MCU: variants seen among roughly 807,000 people sequenced by gnomAD.
The protein encoded by MCU is mitochondrial calcium uniporter.
In MCU, 12 loss-of-function variants were observed where a neutral mutation model predicts 45.2. The observed-to-expected ratio is 0.27, with a 90% CI of 0.17 to 0.43. The LOEUF (loss-of-function observed/expected upper bound fraction) is 0.43. MCU is among the 20% of genes least tolerant of loss of function. MCU has a pLI of 1.00. For synonymous variants in MCU, 160 were observed against 165.1 expected, an observed-to-expected ratio of 0.97 and a Z score of 0.24; for missense variants, 324 against 436.7, an observed-to-expected ratio of 0.74 and a Z score of 2.30.
intron 1 of MCU, among the ~76,000 whole-genome samples, chr10:72,748,653 C>T (rs1318737958): frequency 1.3e-5 from 2 of 151,196 alleles, no homozygotes; most frequent in East Asian, 3.9e-4. Flanking sequence ...CCTGTCTCTA[C>T]AAATAATAAA....
chr10:72,707,606 GGTGTGTGTGTGT>G (rs373225323), intron 1 of MCU, among the ~76,000 whole-genome samples: 13 of 135,030 alleles, frequency 9.6e-5, no homozygotes, highest in South Asian at 4.6e-4. Flanking sequence ...CGTGGTGAGT[GGTGTGTGTGTGT>G]GTGTGTGTGT....
rs978385135 is a variant in MCU at position 72,718,217 on chromosome 10, A to G, written c.150+25916A>G. ...CCAAGAGTCTATTTAAATGAGTACA[A>G]CAGGCAAAGTTTGGACTTGTAATGT... On this transcript the variant is annotated intron_variant, in intron 1 of 7. Coordinates refer to ENST00000373053, the MANE Select transcript of MCU (RefSeq NM_138357.3). Among the ~76,000 whole-genome samples, 37 of 152,216 alleles carry G rather than the reference A, an allele frequency of 2.4e-4. 1 individual carries two copies. The highest frequency in any genetic ancestry group is 2.0e-3 in the Admixed American group (31 of 15,288).
intron 1 of MCU, among the ~76,000 whole-genome samples, chr10:72,708,852 A>G (rs1281262799): frequency 6.6e-6 from 1 of 152,196 alleles, no homozygotes; most frequent in East Asian, 1.9e-4. Context: ...TAAAGCTATT[A>G]TGTTAAAAGT....
At position 72,761,850 on chromosome 10, in the gene MCU, T is replaced by A. The variant is rs539380943; in HGVS notation, c.150+69549T>A. 8.5e-5 allele frequency among the ~76,000 whole-genome samples: 13 copies of A among 152,256 alleles called. No individual in the cohort carries two copies. The South Asian group carries it at 2.5e-3, about 29-fold the overall frequency. On this transcript the variant is annotated intron_variant, in intron 1 of 7. Coordinates refer to ENST00000373053, the MANE Select transcript of MCU (RefSeq NM_138357.3). The stretch of plus-strand genomic sequence containing the variant: ...AGTTTTTTTATTCCACACTCCCTCC[T>A]CTGAGTCTCCAAAGTCCATTATATC...
chr10:72,820,686 AT>A (rs1210414518), intron 1 of MCU, among the ~76,000 whole-genome samples: 2 of 151,844 alleles, frequency 1.3e-5, no homozygotes, highest in Admixed American at 1.3e-4. Context: ...AATTTTTTGT[AT>A]TTTTAGTAGG....
At chr10:72,744,115 C>T (rs1241226723) in intron 1 of MCU, among the ~76,000 whole-genome samples, 1 of 151,240 alleles carries the variant, frequency 6.6e-6, no homozygotes, top group Admixed American at 6.6e-5. Flanking sequence ...TTATCCCACT[C>T]TTAATATAGG....
At chr10:72,732,885 A>G (rs758159724) in intron 1 of MCU, among the ~76,000 whole-genome samples, 2 of 152,250 alleles carry the variant, frequency 1.3e-5, no homozygotes, top group African/African-American at 2.4e-5. Flanking sequence ...ATGATAGGCA[A>G]GAGCATCCAT....
intron 1 of MCU, among the ~76,000 whole-genome samples, chr10:72,800,550 G>C (rs572661394): frequency 6.6e-6 from 1 of 152,156 alleles, no homozygotes; most frequent in South Asian, 2.1e-4. Context: ...TTTATTTACT[G>C]AATGACTTAA....
intron 2 of MCU, among the ~76,000 whole-genome samples, chr10:72,853,075 G>A (rs1845231733): frequency 6.6e-6 from 1 of 152,070 alleles, no homozygotes; most frequent in Admixed American, 6.6e-5. Flanking sequence ...AACTATACAA[G>A]ATCCAGCACT....
At chr10:72,749,305 T>C (rs1015146554) in intron 1 of MCU, among the ~76,000 whole-genome samples, 1 of 152,048 alleles carries the variant, frequency 6.6e-6, no homozygotes, top group Non-Finnish European at 1.5e-5. Context: ...AAAACCAACT[T>C]GAGAATGGTG....
At chr10:72,833,518 A>G (rs989737507) in intron 1 of MCU, among the ~76,000 whole-genome samples, 1 of 152,220 alleles carries the variant, frequency 6.6e-6, no homozygotes, top group Non-Finnish European at 1.5e-5. Flanking sequence ...AGTAGATACT[A>G]AATGATTTTT....
At chr10:72,692,855 C>G (rs1438536212) in intron 1 of MCU, 2 of 1,429,146 alleles carry the variant, frequency 1.4e-6, no homozygotes, top group African/African-American at 2.9e-5. Context: ...GAAGGAAAAT[C>G]AAACTTTATT....
chr10:72,785,851 TA>T (rs1844064203), intron 1 of MCU, among the ~76,000 whole-genome samples: 1 of 152,214 alleles, frequency 6.6e-6, no homozygotes, highest in East Asian at 1.9e-4. Context: ...AGGAGATTTT[TA>T]TAGAAATCAA....
intron 1 of MCU, among the ~76,000 whole-genome samples, chr10:72,753,883 AAAAAACAAAAAAAC>A (rs1843537258): frequency 2.6e-5 from 4 of 152,104 alleles, no homozygotes; most frequent in Admixed American, 2.0e-4. Flanking sequence ...CTTTGTCCAA[AAAAAACAAAAAAAC>A]AAAACACACA....
At chr10:72,882,898 C>G (rs556938171) in intron 6 of MCU, among the ~76,000 whole-genome samples, 1 of 152,138 alleles carries the variant, frequency 6.6e-6, no homozygotes, top group Non-Finnish European at 1.5e-5. Flanking sequence ...ATGTCCCCCC[C>G]GGATGCCCAG....
chr10:72,734,258 A>G (rs969710590), intron 1 of MCU, among the ~76,000 whole-genome samples: 1 of 152,156 alleles, frequency 6.6e-6, no homozygotes, highest in Admixed American at 6.5e-5. Flanking sequence ...AAAAAGAAAG[A>G]AAGAAATTCC....
At chr10:72,839,177 A>T (rs1187110171) in intron 2 of MCU, among the ~76,000 whole-genome samples, 1 of 151,944 alleles carries the variant, frequency 6.6e-6, no homozygotes, top group Non-Finnish European at 1.5e-5. Flanking sequence ...TTTAGTAGAG[A>T]GGGGGTTTCA....
At chr10:72,823,740 T>C (rs1355062698) in intron 1 of MCU, among the ~76,000 whole-genome samples, 1 of 152,092 alleles carries the variant, frequency 6.6e-6, no homozygotes, top group Non-Finnish European at 1.5e-5. Context: ...ATTGGTGCAT[T>C]TGTATGAAGC....
chr10:72,807,880 T>G (rs1844476413), intron 1 of MCU, among the ~76,000 whole-genome samples: 1 of 152,174 alleles, frequency 6.6e-6, no homozygotes, highest in Admixed American at 6.5e-5. Context: ...AAAAGGAAAA[T>G]AATTGATTTC....
Sources: gnomAD v4.1 joint callset for allele counts (sites outside exome capture counted in the v4.1 genomes callset) on GRCh38, gnomAD v4.1.1 for gene constraint, MANE v1.5 for transcripts, NCBI Gene and HGNC (gene_info 2026-07-23, HGNC 2026-07-21) for gene names.